MDN1: variants seen among roughly 807,000 people sequenced by gnomAD.
MDN1 encodes midasin.
A neutral mutation model predicts 669.2 loss-of-function variants in MDN1; 266 were observed. That is an observed-to-expected ratio of 0.40 (90% CI 0.36 to 0.44). The LOEUF is 0.44. Among genes scored for constraint, MDN1 ranks in the 20% least tolerant of loss-of-function variants. The pLI is 1.00. For synonymous variants in MDN1, 2,385 were observed against 2,457.1 expected, an observed-to-expected ratio of 0.97 and a Z score of 0.87; for missense variants, 5,940 against 6,754.0, an observed-to-expected ratio of 0.88 and a Z score of 4.22.
chr6:89,700,618 C>T (rs774293895), intron 56 of MDN1, 28 bp downstream of exon 56: 1 of 1,600,202 alleles, frequency 6.2e-7, no homozygotes, highest in Non-Finnish European at 8.6e-7. Flanking sequence ...GAGCATCTGT[C>T]AGCTAGCCAA....
intron 15 of MDN1, among the ~76,000 whole-genome samples, chr6:89,765,166 G>A (rs1817749694): frequency 6.6e-6 from 1 of 152,158 alleles, no homozygotes; most frequent in African/African-American, 2.4e-5. Flanking sequence ...GCTGAGGCAG[G>A]AGAATGGCGT....
intron 40 of MDN1, 126 bp downstream of exon 40, chr6:89,722,829 A>C: frequency 1.2e-6 from 1 of 859,218 alleles, no homozygotes; most frequent in Non-Finnish European, 1.8e-6. Context: ...CTGGGCAACA[A>C]GAGTGAAACC....
chr6:89,783,407 T>C (rs1333469596), intron 9 of MDN1, among the ~76,000 whole-genome samples: 3 of 152,060 alleles, frequency 2.0e-5, no homozygotes, highest in African/African-American at 7.2e-5. Flanking sequence ...TCCGCCCTGG[T>C]AAATTTGTGG....
intron 1 of MDN1, among the ~76,000 whole-genome samples, chr6:89,807,900 ACTT>A: frequency 1.3e-5 from 2 of 151,472 alleles, no homozygotes; most frequent in South Asian, 4.2e-4. Context: ...TTTTGGTTTC[ACTT>A]GTTTTTTTTC....
In MDN1 at chr6:89,756,366, T is replaced by C. The variant is rs114929502; in HGVS notation, c.2727A>G (p.Glu909=). ...CCTGTAAGTCTTCTTTGCTTTCTAA[T>C]TCTTCTACATAAAGTTCTGTGAACC... ...RNRFTELYVE[E]LESKEDLQVL... The change falls in exon 20 of 102, where the codon GAA becomes GAG. Residue 909 remains glutamate, a synonymous_variant. Transcript: ENST00000369393. 1.9e-6 allele frequency: 3 copies of C among 1,584,818 alleles called. No individual in the cohort carries two copies. The highest frequency in any genetic ancestry group is 4.5e-5 in the East Asian group (2 of 44,434).
intron 57 of MDN1, 43 bp downstream of exon 57, chr6:89,700,020 A>G (rs1198757705): frequency 6.4e-7 from 1 of 1,567,584 alleles, no homozygotes; most frequent in South Asian, 1.1e-5. Flanking sequence ...AATAATCAAG[A>G]AAAAAAGTTC....
intron 22 of MDN1, 130 bp downstream of exon 22, chr6:89,753,382 T>C: frequency 1.5e-6 from 1 of 652,262 alleles, no homozygotes. Flanking sequence ...GTTTCTGTAA[T>C]GTTTAAACTT....
At chr6:89,808,637 A>G (rs941011577) in intron 1 of MDN1, among the ~76,000 whole-genome samples, 8 of 151,996 alleles carry the variant, frequency 5.3e-5, no homozygotes, top group African/African-American at 1.7e-4. Context: ...CACCCTTCCC[A>G]GCATATTCCA....
chr6:89,774,330 T>A (rs1474146143), intron 13 of MDN1, among the ~76,000 whole-genome samples: 1 of 152,246 alleles, frequency 6.6e-6, no homozygotes, highest in Non-Finnish European at 1.5e-5. Flanking sequence ...ATGTTAGACA[T>A]AAGCCTGACT....
intron 15 of MDN1, among the ~76,000 whole-genome samples, chr6:89,769,951 G>A (rs1362848376): frequency 6.6e-6 from 1 of 152,086 alleles, no homozygotes; most frequent in African/African-American, 2.4e-5. Flanking sequence ...GAGAGAAATA[G>A]ACCAGGCCTG....
Position 89,674,579 on chromosome 6 carries a change from T to A in MDN1, c.12772A>T (p.Ser4258Cys). Reference sequence around the variant, plus strand: ...CTGCTGTGAATCTCTTGCACACAGCTGAGGAGGTTCCTGTACAGAGAAACC... The same window carrying A: ...CTGCTGTGAATCTCTTGCACACAGCAGAGGAGGTTCCTGTACAGAGAAACC... The part of the protein sequence containing the change: ...EQWIILRNLL[S>C]CVQEIHSRLM... The change falls in exon 79 of 102, where the codon AGC (serine) becomes TGC (cysteine). Residue 4258 changes from serine (S) to cysteine (C), a missense_variant. Around this residue, in one of 5 missense-constraint regions of MDN1, gnomAD observed 2,280 missense variants for 2,576.3 expected, o/e 0.88. Coordinates refer to ENST00000369393, the MANE Select transcript of MDN1 (RefSeq NM_014611.3). 1 of 1,565,462 alleles carries A rather than the reference T, an allele frequency of 6.4e-7. No homozygotes were observed. The highest frequency in any genetic ancestry group is 8.6e-7 in the Non-Finnish European group (1 of 1,161,966).
At chr6:89,740,509 C>T in intron 31 of MDN1, 131 bp from the exon 32 acceptor site, 2 of 874,968 alleles carry the variant, frequency 2.3e-6, no homozygotes, top group Non-Finnish European at 3.2e-6. Context: ...TAATGGTTTC[C>T]TATCACAAAT....
At position 89,689,927 on chromosome 6, in the gene MDN1, A is replaced by G. The variant is rs116628998; in HGVS notation, c.10966T>C (p.Phe3656Leu). 92 of 1,614,240 alleles carry G rather than the reference A, an allele frequency of 5.7e-5. 1 individual carries two copies. The East Asian group carries it at 1.9e-3, about 34-fold the overall frequency. The stretch of plus-strand genomic sequence containing the variant: ...GCCCCAGTCTGATAGCAAGACAGAA[A>G]CAGGCTGAGGTAATGCTTTGCTTCA... ...PHEAKHYLSL[F>L]LSCYQTGASL... The change falls in exon 65 of 102, where the codon TTT becomes CTT. Residue 3656 changes from phenylalanine (F) to leucine (L), a missense_variant. Phe to Leu is a conservative substitution (Grantham distance 22). This residue lies in a region of MDN1 where 2,280 missense variants were observed against 2,576.3 expected (regional missense o/e 0.88). Transcript: ENST00000369393.
At chr6:89,750,635 C>T (rs549172498) in intron 23 of MDN1, 103 bp from the exon 24 acceptor site, 1 of 1,160,204 alleles carries the variant, frequency 8.6e-7, no homozygotes, top group African/African-American at 1.5e-5. Flanking sequence ...AAGGGTTTCA[C>T]TCTGTTGCCC....
At position 89,713,297 on chromosome 6, in the gene MDN1, C is replaced by T. The variant is rs1476720399; in HGVS notation, c.7070-1G>A. On this transcript the variant is annotated splice_acceptor_variant, in intron 46 of 101. Transcript: ENST00000369393. LOFTEE classifies it high-confidence loss of function. The stretch of plus-strand genomic sequence containing the variant: ...GTTGATACAGAAGATGTTGGAGAAC[C>T]TATTAAAAAAAAATTGCCATCTATA... 1 of 1,599,932 alleles carries T rather than the reference C, an allele frequency of 6.3e-7. No homozygotes were observed. Among genetic ancestry groups the T allele is most frequent in the Non-Finnish European group, 8.5e-7 (1 of 1,175,346 alleles).
intron 58 of MDN1, among the ~76,000 whole-genome samples, 163 bp downstream of exon 58, chr6:89,699,438 A>G (rs1332558889): frequency 1.3e-5 from 2 of 152,238 alleles, no homozygotes; most frequent in Non-Finnish European, 2.9e-5. Context: ...AATTACTATA[A>G]AAGAATATTT....
At chr6:89,797,586 T>C (rs1819675556) in intron 2 of MDN1, 1 of 403,628 alleles carries the variant, frequency 2.5e-6, no homozygotes, top group Non-Finnish European at 5.0e-6. Context: ...GTAGTAGCAG[T>C]TGGACTGATT....
intron 94 of MDN1, among the ~76,000 whole-genome samples, chr6:89,652,637 C>T (rs575545769): frequency 6.6e-6 from 1 of 152,184 alleles, no homozygotes; most frequent in African/African-American, 2.4e-5. Flanking sequence ...TAAATACAGG[C>T]ACTAAGCCAA....
intron 37 of MDN1, among the ~76,000 whole-genome samples, 157 bp from the exon 38 acceptor site, chr6:89,725,553 G>A (rs1360639778): frequency 6.6e-6 from 1 of 152,036 alleles, no homozygotes; most frequent in Non-Finnish European, 1.5e-5. Flanking sequence ...CTGAGTTATG[G>A]TTGGTTTGTC....
Sources: gnomAD v4.1 joint callset for allele counts (sites outside exome capture counted in the v4.1 genomes callset) on GRCh38, gnomAD v4.1.1 for gene constraint, gnomAD v4.1.1 regional missense constraint, MANE v1.5 for transcripts, NCBI Gene and HGNC (gene_info 2026-07-23, HGNC 2026-07-21) for gene names.